Variants in KIAA1217 observed in about 807,000 individuals in gnomAD.
The protein encoded by KIAA1217 is KIAA1217.
KIAA1217 carries 88 observed loss-of-function variants against 163.9 expected under a neutral mutation model. The ratio of observed to expected loss-of-function variants is 0.54; its 90% CI spans 0.45 to 0.64. The LOEUF (loss-of-function observed/expected upper bound fraction) is 0.64, where lower values mean the gene tolerates loss of function less well. KIAA1217 is among the 30% of genes least tolerant of loss of function. The probability of loss-of-function intolerance (pLI) is 0.00; values close to 1 mark genes in which losing one functional copy is unlikely to be tolerated. For missense variants in KIAA1217, 2,372 were observed against 2,475.0 expected, an observed-to-expected ratio of 0.96 and a Z score of 0.88; for synonymous variants, 903 against 923.1, an observed-to-expected ratio of 0.98 and a Z score of 0.39.
chr10:24,203,885 A>G (rs909733954), upstream of KIAA1217, among the ~76,000 whole-genome samples: 1 of 152,200 alleles, frequency 6.6e-6, no homozygotes, highest in Non-Finnish European at 1.5e-5. Flanking sequence ...GTCTGCAGTG[A>G]CCAGAGGGCA....
intron 1 of KIAA1217, among the ~76,000 whole-genome samples, chr10:23,943,853 T>C (rs1335340368): frequency 1.5e-4 from 23 of 152,316 alleles, no homozygotes; most frequent in Middle Eastern, 3.4e-3. Flanking sequence ...AAGTCCTACC[T>C]ACACATGACG....
chr10:23,892,920 CA>C (rs1281577350), intron 1 of KIAA1217, among the ~76,000 whole-genome samples: 11 of 152,044 alleles, frequency 7.2e-5, no homozygotes, highest in African/African-American at 2.4e-4. Context: ...AACAACGTGG[CA>C]TTGACGTCTC....
intron 2 of KIAA1217, among the ~76,000 whole-genome samples, chr10:24,268,473 G>A: frequency 6.6e-6 from 1 of 151,092 alleles, no homozygotes; most frequent in Non-Finnish European, 1.5e-5. Flanking sequence ...CATCATCACT[G>A]GCCATCAGAG....
chr10:23,727,199 G>A (rs7915774), intron 1 of KIAA1217, among the ~76,000 whole-genome samples: 33,440 of 151,264 alleles, frequency 0.22, 3,947 homozygotes, highest in African/African-American at 0.3. Context: ...CACCATGTTA[G>A]TCAGGAAGGT....
At position 23,822,963 on chromosome 10, in the gene KIAA1217, G is replaced by A. The variant is rs535221351; in HGVS notation, c.-321+127729G>A. 1.0e-3 allele frequency among the ~76,000 whole-genome samples: 157 copies of A among 152,278 alleles called. 1 individual carries two copies. The highest frequency in any genetic ancestry group is 3.7e-3 in the African/African-American group (155 of 41,576). On this transcript the variant is annotated intron_variant, in intron 1 of 18. Transcript: ENST00000376462. ...TGAGGGAAGCACTTTTTTATTAGGA[G>A]TTATTAACCTATGTGTCCCCAAATT... is the stretch of plus-strand genomic sequence containing the variant.
At chr10:24,502,368 C>T (rs1161542667) in intron 9 of KIAA1217, among the ~76,000 whole-genome samples, 1 of 148,640 alleles carries the variant, frequency 6.7e-6, no homozygotes, top group Non-Finnish European at 1.5e-5. Flanking sequence ...CGAAAAACAT[C>T]TGCATTTCAT....
At chr10:24,408,620 T>C (rs2057455068) in intron 3 of KIAA1217, among the ~76,000 whole-genome samples, 2 of 152,230 alleles carry the variant, frequency 1.3e-5, no homozygotes, top group Non-Finnish European at 2.9e-5. Context: ...TGGCAGCTTC[T>C]TTAATAACCT....
chr10:24,021,886 C>T (rs1564616128), intron 2 of KIAA1217, among the ~76,000 whole-genome samples: 1 of 150,890 alleles, frequency 6.6e-6, no homozygotes, highest in Non-Finnish European at 1.5e-5. Context: ...CATCAATATA[C>T]AAAAAAAAAA....
At chr10:24,213,127 T>C (rs7089020) in intron 1 of KIAA1217, among the ~76,000 whole-genome samples, 88,884 of 152,034 alleles carry the variant, frequency 0.58, 26,292 homozygotes, top group East Asian at 0.7. Flanking sequence ...GAAGCTTCCA[T>C]GGCTGAATAG....
intron 2 of KIAA1217, among the ~76,000 whole-genome samples, chr10:24,325,362 T>G (rs143764924): frequency 3.4e-3 from 517 of 152,238 alleles, no homozygotes; most frequent in Non-Finnish European, 5.9e-3. Context: ...AAACTCAGAA[T>G]TATTAGGGGG....
At chr10:24,380,821 G>T in intron 2 of KIAA1217, 48 bp from the exon 3 acceptor site, 4 of 1,336,592 alleles carry the variant, frequency 3.0e-6, no homozygotes, top group South Asian at 1.7e-5. Flanking sequence ...TTTTCCACAC[G>T]ATTAATAATA....
chr10:24,092,922 TG>T (rs1490075756), intron 2 of KIAA1217, among the ~76,000 whole-genome samples: 1 of 130,932 alleles, frequency 7.6e-6, no homozygotes, highest in Non-Finnish European at 1.5e-5. Flanking sequence ...TGTGTGTGTG[TG>T]TGTGTTGTGT....
chr10:23,739,509 G>T (rs1838990263), intron 1 of KIAA1217, among the ~76,000 whole-genome samples: 1 of 152,216 alleles, frequency 6.6e-6, no homozygotes, highest in South Asian at 2.1e-4. Flanking sequence ...AAGAGTGTCA[G>T]CGTGGCTTGA....
chr10:23,873,239 A>G (rs1464371349), intron 1 of KIAA1217, among the ~76,000 whole-genome samples: 1 of 152,190 alleles, frequency 6.6e-6, no homozygotes, highest in East Asian at 1.9e-4. Context: ...GAACATTGCT[A>G]TTCATTCTCT....
Position 23,712,269 on chromosome 10 carries a change from C to T in KIAA1217, c.-321+17035C>T, listed in dbSNP as rs897904169. On this transcript the variant is annotated intron_variant, in intron 1 of 18. Transcript: ENST00000376462. ...TAAGCATCTCTCCTTACATCCCTAG[C>T]CCTATGCTCCCCTCACCTGCATTCC... 7.9e-5 allele frequency among the ~76,000 whole-genome samples: 12 copies of T among 151,982 alleles called. No homozygotes were observed. The East Asian group carries it at 2.3e-3, about 30-fold the overall frequency.
intron 2 of KIAA1217, among the ~76,000 whole-genome samples, chr10:24,344,374 C>G (rs975601648): frequency 1.7e-4 from 26 of 152,148 alleles, no homozygotes; most frequent in Non-Finnish European, 4.4e-5. Flanking sequence ...TGTGGCACAT[C>G]GAATAGAGTT....
intron 1 of KIAA1217, among the ~76,000 whole-genome samples, chr10:23,813,874 T>A (rs1837190906): frequency 6.6e-6 from 1 of 152,134 alleles, no homozygotes; most frequent in Non-Finnish European, 1.5e-5. Flanking sequence ...ATCAACACTG[T>A]GTTATTTTTA....
rs188008651 is a variant in KIAA1217, at chr10:24,271,824, C to T, written c.354+51915C>T. 3.9e-5 allele frequency among the ~76,000 whole-genome samples: 6 copies of T among 152,036 alleles called. No homozygotes were observed. In the East Asian group the frequency reaches 1.2e-3, roughly 29 times the overall value. ...TTTTAATAAACTTTCCCCCTGTACG[C>T]AGCCCATTCTAGCTATATATATTTC... On this transcript the variant is annotated intron_variant, in intron 2 of 20. Coordinates refer to ENST00000376454, the MANE Select transcript of KIAA1217 (RefSeq NM_019590.5).
intron 1 of KIAA1217, among the ~76,000 whole-genome samples, chr10:23,851,492 T>C (rs1189599276): frequency 6.6e-6 from 1 of 152,346 alleles, no homozygotes; most frequent in Admixed American, 6.5e-5. Context: ...TGTGTCTTTA[T>C]AGCAGCATGA....
Sources: allele counts gnomAD v4.1 joint callset (sites outside exome capture counted in the v4.1 genomes callset), GRCh38; gene constraint gnomAD v4.1.1; transcripts MANE v1.5; gene names NCBI Gene and HGNC (gene_info 2026-07-23, HGNC 2026-07-21).